Variants in RAP1GDS1 observed in about 807,000 individuals in gnomAD.
RAP1GDS1 encodes the protein Rap1 GTPase-GDP dissociation stimulator 1.
In RAP1GDS1, 35 loss-of-function variants were observed where a neutral mutation model predicts 71.1. The ratio of observed to expected loss-of-function variants is 0.49; its 90% CI spans 0.38 to 0.65. RAP1GDS1 has a LOEUF of 0.65. Among genes scored for constraint, RAP1GDS1 ranks in the 30% least tolerant of loss-of-function variants. The pLI is 0.00. For missense variants in RAP1GDS1, 663 were observed against 706.1 expected, an observed-to-expected ratio of 0.94 and a Z score of 0.69; for synonymous variants, 229 against 243.1, an observed-to-expected ratio of 0.94 and a Z score of 0.54.
At chr4:98,307,514 T>C (rs1729503011) in intron 2 of RAP1GDS1, among the ~76,000 whole-genome samples, 1 of 152,162 alleles carries the variant, frequency 6.6e-6, no homozygotes, top group African/African-American at 2.4e-5. Context: ...AGGGCATAGA[T>C]TGTATCTTCT....
intron 1 of RAP1GDS1, among the ~76,000 whole-genome samples, chr4:98,267,149 T>TATAAA (rs1306238975): frequency 2.0e-5 from 3 of 152,152 alleles, no homozygotes; most frequent in Non-Finnish European, 4.4e-5. Flanking sequence ...GATTTTTCTA[T>TATAAA]TTATGTTTAT....
intron 4 of RAP1GDS1, among the ~76,000 whole-genome samples, chr4:98,368,465 T>G (rs773106317): frequency 6.6e-6 from 1 of 152,162 alleles, no homozygotes; most frequent in African/African-American, 2.4e-5. Context: ...TGTTTTGAGT[T>G]GGTATATATT....
chr4:98,416,691 C>A, intron 7 of RAP1GDS1, 54 bp from the exon 8 acceptor site: 1 of 1,499,852 alleles, frequency 6.7e-7, no homozygotes. Context: ...CTGCTTATAC[C>A]AGAGCTCCTA....
chr4:98,394,553 A>G (rs969029276), intron 6 of RAP1GDS1, among the ~76,000 whole-genome samples: 2 of 152,042 alleles, frequency 1.3e-5, no homozygotes, highest in Admixed American at 1.3e-4. Context: ...CCTTTACAGC[A>G]CCCGTATGAA....
chr4:98,306,630 C>A (rs1188301653), intron 2 of RAP1GDS1, among the ~76,000 whole-genome samples: 1 of 152,102 alleles, frequency 6.6e-6, no homozygotes, highest in Non-Finnish European at 1.5e-5. Flanking sequence ...ATATTAGTAT[C>A]TGAATAAGAA....
chr4:98,383,437 C>T (rs1354395132), intron 5 of RAP1GDS1, among the ~76,000 whole-genome samples: 1 of 151,454 alleles, frequency 6.6e-6, no homozygotes, highest in Non-Finnish European at 1.5e-5. Context: ...ATGATTTCTA[C>T]AAATACAGCC....
chr4:98,415,224 G>A (rs185256528), intron 7 of RAP1GDS1, among the ~76,000 whole-genome samples: 1 of 152,104 alleles, frequency 6.6e-6, no homozygotes, highest in South Asian at 2.1e-4. Context: ...GTCTTCTCTT[G>A]TTCTGTAAAA....
chr4:98,368,362 C>T (rs1184369044), intron 4 of RAP1GDS1, among the ~76,000 whole-genome samples: 1 of 152,122 alleles, frequency 6.6e-6, no homozygotes, highest in Non-Finnish European at 1.5e-5. Context: ...CAAACTAATA[C>T]TGTATGTATT....
At chr4:98,294,351 T>C (rs745856077) in intron 2 of RAP1GDS1, among the ~76,000 whole-genome samples, 5 of 152,134 alleles carry the variant, frequency 3.3e-5, no homozygotes, top group African/African-American at 4.8e-5. Context: ...CTTATTGATA[T>C]ATGTTTTTTT....
intron 7 of RAP1GDS1, among the ~76,000 whole-genome samples, chr4:98,415,320 A>G (rs1250766623): frequency 6.6e-6 from 1 of 152,196 alleles, no homozygotes; most frequent in African/African-American, 2.4e-5. Flanking sequence ...CATATTTTTC[A>G]AGCACACATG....
chr4:98,409,567 T>A (rs927804401), intron 7 of RAP1GDS1: 1 of 192,034 alleles, frequency 5.2e-6, no homozygotes, highest in Non-Finnish European at 1.1e-5. Context: ...ATGAGCATAT[T>A]AAGCACTCAA....
chr4:98,342,997 A>G (rs952573171), intron 2 of RAP1GDS1, 142 bp from the exon 3 acceptor site: 6 of 789,084 alleles, frequency 7.6e-6, no homozygotes, highest in East Asian at 3.1e-5. Context: ...GTAATTTTGT[A>G]TAAAGACATA....
chr4:98,359,660 T>G, intron 4 of RAP1GDS1, among the ~76,000 whole-genome samples: 1 of 152,224 alleles, frequency 6.6e-6, no homozygotes, highest in East Asian at 1.9e-4. Flanking sequence ...CATCCATTAA[T>G]GTATAGTGTG....
chr4:98,269,806 A>G (rs1190971773), intron 1 of RAP1GDS1, among the ~76,000 whole-genome samples: 2 of 152,178 alleles, frequency 1.3e-5, no homozygotes, highest in Non-Finnish European at 2.9e-5. Flanking sequence ...ATGTATTCCA[A>G]AATCTGAATA....
chr4:98,383,727 T>G (rs1742331554), intron 5 of RAP1GDS1, among the ~76,000 whole-genome samples: 1 of 151,602 alleles, frequency 6.6e-6, no homozygotes, highest in South Asian at 2.1e-4. Flanking sequence ...TCTCCCCATA[T>G]TAAAGATTAT....
chr4:98,358,793 A>G (rs764299100), intron 4 of RAP1GDS1, among the ~76,000 whole-genome samples: 2 of 152,034 alleles, frequency 1.3e-5, no homozygotes, highest in African/African-American at 4.8e-5. Context: ...CTGACATTGT[A>G]CCAATGTCAG....
chr4:98,325,716 G>A (rs1395956430), intron 2 of RAP1GDS1, among the ~76,000 whole-genome samples: 1 of 141,682 alleles, frequency 7.1e-6, no homozygotes, highest in Non-Finnish European at 1.5e-5. Context: ...GGTGGGAATT[G>A]AACAATGAGA....
At chr4:98,358,057 T>A (rs1738203783) in intron 4 of RAP1GDS1, among the ~76,000 whole-genome samples, 1 of 152,022 alleles carries the variant, frequency 6.6e-6, no homozygotes, top group South Asian at 2.1e-4. Flanking sequence ...AAGCACTGAT[T>A]TCACTTGAGC....
intron 12 of RAP1GDS1, among the ~76,000 whole-genome samples, chr4:98,431,211 T>A (rs562359195): frequency 1.7e-4 from 26 of 152,344 alleles, no homozygotes; most frequent in Non-Finnish European, 3.4e-4. Context: ...CCAACAAACA[T>A]TTATTTAAAT....
Sources: gnomAD v4.1 joint callset for allele counts (sites outside exome capture counted in the v4.1 genomes callset) on GRCh38, gnomAD v4.1.1 for gene constraint, MANE v1.5 for transcripts, NCBI Gene and HGNC (gene_info 2026-07-23, HGNC 2026-07-21) for gene names.